The following NGFR variants were observed in gnomAD, a reference collection of about 807,000 sequenced individuals.
The protein encoded by NGFR is tumor necrosis factor receptor superfamily member 16.
NGFR carries 30 observed loss-of-function variants against 43.2 expected under a neutral mutation model. The observed-to-expected ratio is 0.69, with a 90% confidence interval of 0.52 to 0.94. The LOEUF (loss-of-function observed/expected upper bound fraction) is 0.94. Among genes scored for constraint, NGFR ranks in the 40% least tolerant of loss-of-function variants. NGFR has a pLI of 0.00. For missense variants in NGFR, 529 were observed against 602.5 expected, an observed-to-expected ratio of 0.88 and a Z score of 1.28; for synonymous variants, 246 against 259.6, an observed-to-expected ratio of 0.95 and a Z score of 0.50.
Position 49,513,103 on chromosome 17 carries a change from GC to G in NGFR, c.*97del. ...CCCGCACCCCCACCCTTTGGGGGGG[GC>G]CCGCCTGGCAGAACTGAGCTCCTCT... On this transcript the variant is annotated 3_prime_UTR_variant, in exon 6 of 6. Coordinates refer to ENST00000172229, the MANE Select transcript of NGFR (RefSeq NM_002507.4). The G allele has an allele frequency of 3.8e-6, 5 of 1,332,578 alleles. No homozygotes were observed. The highest frequency in any genetic ancestry group is 5.0e-6 in the Non-Finnish European group (5 of 1,005,222). The allele number at this position is 1,332,578 out of a possible 1,614,324, so 82.5% of individuals were successfully genotyped here. A position where few individuals can be genotyped will look rare whatever the true frequency, so the allele number is the denominator to read the frequency against.
intron 1 of NGFR, among the ~76,000 whole-genome samples, chr17:49,498,338 A>G (rs2071150391): frequency 6.6e-6 from 1 of 152,170 alleles, no homozygotes; most frequent in Non-Finnish European, 1.5e-5. Flanking sequence ...TCTCTATGCT[A>G]CATTATCTTG....
At chr17:49,496,291 T>G (rs967332394) in intron 1 of NGFR, 1 of 152,122 alleles carries the variant, frequency 6.6e-6, no homozygotes, top group Non-Finnish European at 1.5e-5. Flanking sequence ...GCTCGCGGCC[T>G]CTCCCAGTCC....
At chr17:49,502,467 A>G (rs1298188121) in intron 2 of NGFR, among the ~76,000 whole-genome samples, 2 of 152,162 alleles carry the variant, frequency 1.3e-5, no homozygotes, top group African/African-American at 4.8e-5. Context: ...GCTCTGGAGA[A>G]GGCAGAGGCT....
At chr17:49,507,807 C>T (rs556097760) in intron 3 of NGFR, among the ~76,000 whole-genome samples, 1 of 152,186 alleles carries the variant, frequency 6.6e-6, no homozygotes, top group African/African-American at 2.4e-5. Flanking sequence ...GGAGAGATAG[C>T]CTTCGCCCAG....
At chr17:49,509,343 A>G (rs986878642) in intron 3 of NGFR, among the ~76,000 whole-genome samples, 2 of 152,132 alleles carry the variant, frequency 1.3e-5, no homozygotes, top group African/African-American at 4.8e-5. Flanking sequence ...CCCCATTGGC[A>G]TGTCCTGCCT....
chr17:49,510,737 C>T, intron 4 of NGFR, 73 bp downstream of exon 4: 1 of 1,565,728 alleles, frequency 6.4e-7, no homozygotes, highest in Non-Finnish European at 8.7e-7. Context: ...TGACCTTGAC[C>T]TGAAAACATA....
At chr17:49,500,902 G>A (rs2071163598) in intron 1 of NGFR, among the ~76,000 whole-genome samples, 1 of 152,190 alleles carries the variant, frequency 6.6e-6, no homozygotes, top group African/African-American at 2.4e-5. Flanking sequence ...GGAGGGAAAG[G>A]AGTGTCTTGG....
intron 1 of NGFR, 45 bp from the exon 2 acceptor site, chr17:49,502,018 C>CCCCCCCCCTG: frequency 1.5e-6 from 2 of 1,320,362 alleles, no homozygotes; most frequent in East Asian, 2.7e-5. Context: ...CAACCCACCC[C>CCCCCCCCCTG]AGCTTTCTCT....
chr17:49,507,069 G>C (rs1004813748), intron 3 of NGFR, among the ~76,000 whole-genome samples: 12 of 152,172 alleles, frequency 7.9e-5, no homozygotes, highest in East Asian at 1.9e-4. Context: ...CATGAGGCAG[G>C]CTTTCTGAAC....
chr17:49,505,443 C>T (rs767972329), intron 2 of NGFR, among the ~76,000 whole-genome samples: 1 of 152,218 alleles, frequency 6.6e-6, no homozygotes, highest in Non-Finnish European at 1.5e-5. Context: ...GAGGCAAGGA[C>T]CCTGGCGTGC....
intron 1 of NGFR, among the ~76,000 whole-genome samples, chr17:49,499,887 G>T (rs2671638): frequency 1.3e-5 from 2 of 152,006 alleles, no homozygotes; most frequent in South Asian, 2.1e-4. Flanking sequence ...ACGCCCGGCC[G>T]GCACATGCCT....
intron 4 of NGFR, 93 bp from the exon 5 acceptor site, chr17:49,511,799 C>T (rs1340029808): frequency 8.6e-6 from 12 of 1,402,442 alleles, no homozygotes; most frequent in African/African-American, 1.5e-5. Context: ...CCCGCCATGC[C>T]CCTGGCCCTC....
intron 3 of NGFR, among the ~76,000 whole-genome samples, chr17:49,507,222 C>T (rs1156512349): frequency 6.6e-6 from 1 of 152,192 alleles, no homozygotes; most frequent in Non-Finnish European, 1.5e-5. Context: ...ACTCCTGTCT[C>T]TGGGCCTCGG....
chr17:49,508,536 C>A (rs1429605497), intron 3 of NGFR, among the ~76,000 whole-genome samples: 3 of 152,186 alleles, frequency 2.0e-5, no homozygotes, highest in Admixed American at 2.0e-4. Context: ...TCCCCTCCAG[C>A]GTACCATACT....
chr17:49,506,305 C>A lies in NGFR; in HGVS notation c.215C>A (p.Thr72Lys). ...TVCEPCLDSV[T>K]FSDVVSATEP... ...TGGTGTCCGCTGCGCTCAGGCGTGACGTTCTCCGACGTGGTGAGCGCGACC... is the reference window on the plus strand; with the variant it reads ...TGGTGTCCGCTGCGCTCAGGCGTGAAGTTCTCCGACGTGGTGAGCGCGACC... The change falls in exon 3 of 6, where the codon ACG becomes AAG. Residue 72 changes from threonine (T) to lysine (K), a missense_variant. Coordinates refer to ENST00000172229, the MANE Select transcript of NGFR (RefSeq NM_002507.4). 6.4e-7 allele frequency: 1 copy of A among 1,558,706 alleles called. No individual in the cohort carries two copies. The highest frequency in any genetic ancestry group is 8.7e-7 in the Non-Finnish European group (1 of 1,153,990).
intron 1 of NGFR, 45 bp from the exon 2 acceptor site, chr17:49,502,018 C>CCCCCA: frequency 2.3e-6 from 3 of 1,320,358 alleles, no homozygotes; most frequent in Non-Finnish European, 3.0e-6. Context: ...CAACCCACCC[C>CCCCCA]AGCTTTCTCT....
intron 3 of NGFR, 47 bp from the exon 4 acceptor site, chr17:49,510,365 G>A: frequency 6.2e-7 from 1 of 1,603,416 alleles, no homozygotes. Context: ...AGCTAAAAGG[G>A]AGGAGTGGGG....
intron 2 of NGFR, among the ~76,000 whole-genome samples, chr17:49,503,792 A>T (rs2143431328): frequency 6.6e-6 from 1 of 152,202 alleles, no homozygotes; most frequent in Admixed American, 6.5e-5. Context: ...GCCAACCATC[A>T]GCTATCCCAG....
intron 2 of NGFR, among the ~76,000 whole-genome samples, chr17:49,502,647 G>T (rs1020034175): frequency 8.5e-5 from 13 of 152,138 alleles, no homozygotes; most frequent in African/African-American, 2.7e-4. Context: ...GGGATCCTGG[G>T]GGTGTGGCTG....
Sources: gnomAD v4.1 joint callset for allele counts (sites outside exome capture counted in the v4.1 genomes callset) on GRCh38, gnomAD v4.1.1 for gene constraint, MANE v1.5 for transcripts, NCBI Gene and HGNC (gene_info 2026-07-23, HGNC 2026-07-21) for gene names.